CSMD3: variants seen among roughly 807,000 people sequenced by gnomAD.
CSMD3 encodes the protein CUB and sushi domain-containing protein 3.
CSMD3 carries 177 observed loss-of-function variants against 435.2 expected under a neutral mutation model. The observed-to-expected ratio is 0.41, with a 90% CI of 0.36 to 0.46. The LOEUF (loss-of-function observed/expected upper bound fraction) is 0.46, where lower values mean the gene tolerates loss of function less well. Ranked by LOEUF, CSMD3 falls within the 20% of genes least tolerant of loss-of-function variation. The probability of loss-of-function intolerance (pLI) is 0.34; values close to 1 mark genes in which losing one functional copy is unlikely to be tolerated. For missense variants in CSMD3, 4,265 were observed against 4,504.6 expected, an observed-to-expected ratio of 0.95 and a Z score of 1.52; for synonymous variants, 1,656 against 1,520.5, an observed-to-expected ratio of 1.09 and a Z score of -2.07.
chr8:112,794,183 A>G (rs1474884791), intron 13 of CSMD3, among the ~76,000 whole-genome samples: 2 of 151,882 alleles, frequency 1.3e-5, no homozygotes, highest in Non-Finnish European at 2.9e-5. Context: ...AAGTTATACC[A>G]GTATCACCAA....
chr8:112,473,720 GA>G (rs1818752853), intron 31 of CSMD3, among the ~76,000 whole-genome samples: 1 of 113,750 alleles, frequency 8.8e-6, no homozygotes, highest in Non-Finnish European at 1.8e-5. Context: ...CAGGAAGAGG[GA>G]TTTTTTTTTT....
chr8:112,758,125 C>T (rs573459943), intron 13 of CSMD3, among the ~76,000 whole-genome samples: 36 of 151,980 alleles, frequency 2.4e-4, no homozygotes, highest in East Asian at 3.9e-4. Flanking sequence ...GAGCCCGAGG[C>T]GGGTGGATCA....
chr8:112,637,041 G>T, intron 21 of CSMD3, 36 bp from the exon 22 acceptor site: 1 of 1,523,136 alleles, frequency 6.6e-7, no homozygotes, highest in Non-Finnish European at 9.1e-7. Context: ...CCGCGGGGGA[G>T]GAAAGGACAA....
intron 3 of CSMD3, among the ~76,000 whole-genome samples, chr8:113,276,407 A>T (rs2093570700): frequency 6.6e-6 from 1 of 152,012 alleles, no homozygotes; most frequent in South Asian, 2.1e-4. Flanking sequence ...CAAGGTGAGG[A>T]GGATTCTTTT....
chr8:113,278,758 T>C (rs2093590809), intron 2 of CSMD3, 54 bp from the exon 3 acceptor site: 1 of 852,224 alleles, frequency 1.2e-6, no homozygotes, highest in Non-Finnish European at 2.0e-6. Flanking sequence ...TCTAAGAGTT[T>C]TTAAGAAGGA....
intron 63 of CSMD3, among the ~76,000 whole-genome samples, chr8:112,253,441 T>C (rs1815466649): frequency 6.6e-6 from 1 of 151,966 alleles, no homozygotes; most frequent in South Asian, 2.1e-4. Context: ...CTATTTTTAA[T>C]AACAAAATAT....
chr8:113,272,780 A>G (rs1306969290), intron 3 of CSMD3, among the ~76,000 whole-genome samples: 1 of 152,150 alleles, frequency 6.6e-6, no homozygotes, highest in Non-Finnish European at 1.5e-5. Context: ...ATCTGGAACT[A>G]TTTTCATTCT....
chr8:112,224,102 A>G lies in CSMD3; in HGVS notation c.*669T>C, dbSNP rs1812369552. 6.5e-6 allele frequency: 1 copy of G among 153,462 alleles called. No homozygotes were observed. Among genetic ancestry groups the G allele is most frequent in the Non-Finnish European group, 1.5e-5 (1 of 68,904 alleles). 9.5% of individuals were successfully genotyped at this position (153,462 alleles called of 1,614,324 possible). ...ATGGGGGAATTGGGAGGGTAGCACA[A>G]TGAACTTGCCCTTTGCAGAAACTAT... On this transcript the variant is annotated 3_prime_UTR_variant, in exon 71 of 71. Coordinates refer to ENST00000297405, the MANE Select transcript of CSMD3 (RefSeq NM_198123.2).
intron 16 of CSMD3, among the ~76,000 whole-genome samples, chr8:112,678,679 T>G (rs2075819605): frequency 6.6e-6 from 1 of 150,666 alleles, no homozygotes; most frequent in Non-Finnish European, 1.5e-5. Flanking sequence ...CAAAATGTTC[T>G]ACCTTCTAAT....
At chr8:112,275,534 C>G (rs371736111) in intron 59 of CSMD3, among the ~76,000 whole-genome samples, 14 of 151,756 alleles carry the variant, frequency 9.2e-5, no homozygotes, top group African/African-American at 3.4e-4. Context: ...GCAACAAGAG[C>G]GAAACTCCAT....
chr8:113,227,757 A>G (rs1488773129), intron 3 of CSMD3, among the ~76,000 whole-genome samples: 1 of 151,674 alleles, frequency 6.6e-6, no homozygotes, highest in African/African-American at 2.4e-5. Context: ...CACCCCAGTC[A>G]TGTGGAACTG....
chr8:112,569,957 T>C (rs759802368), intron 24 of CSMD3, among the ~76,000 whole-genome samples: 1 of 152,166 alleles, frequency 6.6e-6, no homozygotes, highest in Non-Finnish European at 1.5e-5. Context: ...ATGTGAGTAC[T>C]GTGACCTCCT....
intron 1 of CSMD3, 146 bp downstream of exon 1, chr8:113,436,531 G>C (rs945643235): frequency 1.2e-6 from 1 of 820,156 alleles, no homozygotes; most frequent in Non-Finnish European, 2.1e-6. Context: ...CTATCTGAGG[G>C]GGGGAGAACG....
chr8:113,052,261 C>CT (rs1467979747), intron 5 of CSMD3, among the ~76,000 whole-genome samples: 1 of 152,080 alleles, frequency 6.6e-6, no homozygotes. Flanking sequence ...AATATTTTAG[C>CT]TGTCCAAGTT....
chr8:112,940,157 A>C (rs2083407796), intron 9 of CSMD3, among the ~76,000 whole-genome samples: 1 of 151,944 alleles, frequency 6.6e-6, no homozygotes, highest in Non-Finnish European at 1.5e-5. Flanking sequence ...TATGATAATA[A>C]ACTTTTCCTG....
At chr8:113,264,346 C>T (rs1563623906) in intron 3 of CSMD3, among the ~76,000 whole-genome samples, 1 of 151,112 alleles carries the variant, frequency 6.6e-6, no homozygotes, top group Non-Finnish European at 1.5e-5. Flanking sequence ...TTCTTACATA[C>T]TTATCAAAAT....
At chr8:112,947,128 C>G (rs564365935) in intron 9 of CSMD3, among the ~76,000 whole-genome samples, 17 of 151,598 alleles carry the variant, frequency 1.1e-4, no homozygotes, top group Middle Eastern at 3.4e-3. Context: ...TTTTGATAGG[C>G]TTTTTGTAAT....
chr8:112,719,315 C>T (rs942527719), intron 13 of CSMD3, among the ~76,000 whole-genome samples: 2 of 151,952 alleles, frequency 1.3e-5, no homozygotes, highest in Admixed American at 6.6e-5. Context: ...CATAATATGC[C>T]CCCCAAAAAG....
chr8:113,244,843 T>A (rs1230275859), intron 3 of CSMD3, among the ~76,000 whole-genome samples: 2 of 152,174 alleles, frequency 1.3e-5, no homozygotes, highest in African/African-American at 4.8e-5. Flanking sequence ...AGTCTTCTAT[T>A]TTCTCATTCA....
Sources: allele counts gnomAD v4.1 joint callset (sites outside exome capture counted in the v4.1 genomes callset), GRCh38; gene constraint gnomAD v4.1.1; transcripts MANE v1.5; gene names NCBI Gene and HGNC (gene_info 2026-07-23, HGNC 2026-07-21).